Variants in ZCCHC2 observed in about 807,000 individuals in gnomAD.
ZCCHC2 encodes zinc finger CCHC-type containing 2, also known as zinc finger CCHC domain-containing protein 2.
In ZCCHC2, 39 loss-of-function variants were observed where a neutral mutation model predicts 103.6. That is an observed-to-expected ratio of 0.38 (90% CI 0.29 to 0.49). ZCCHC2 has a LOEUF of 0.49. Ranked by LOEUF, ZCCHC2 falls within the 20% of genes least tolerant of loss-of-function variation. The pLI is 0.96. For missense variants in ZCCHC2, 1,483 were observed against 1,491.0 expected (o/e 0.99, Z 0.09); for synonymous variants, 687 against 608.9 (o/e 1.13, Z -1.89).
intron 12 of ZCCHC2, 56 bp from the exon 13 acceptor site, chr18:62,574,001 C>T: frequency 6.6e-7 from 1 of 1,509,470 alleles, no homozygotes; most frequent in Non-Finnish European, 9.0e-7. Context: ...TTATTTCTAG[C>T]AAGAAAGATG....
intron 7 of ZCCHC2, 163 bp from the exon 8 acceptor site, chr18:62,560,424 T>C (rs1039669812): frequency 8.6e-6 from 4 of 465,508 alleles, no homozygotes; most frequent in African/African-American, 2.0e-5. Context: ...GAGTTTACTG[T>C]GTTTTTGAAA....
In ZCCHC2 at chr18:62,523,253, C is replaced by T; in HGVS notation, c.-172C>T. On this transcript the variant is annotated 5_prime_UTR_variant, in exon 1 of 14. Transcript: ENST00000269499. The stretch of plus-strand genomic sequence containing the variant: ...GGGAAGACGACGCCAGCGACCCCGC[C>T]GGCCGGCCACCGCCCCCCTCGCCGG... 2.1e-6 allele frequency: 1 copy of T among 476,704 alleles called. No individual in the cohort carries two copies. The highest frequency in any genetic ancestry group is 2.7e-6 in the Non-Finnish European group (1 of 365,042). The allele number at this position is 476,704 out of a possible 1,614,324, so 29.5% of individuals were successfully genotyped here.
chr18:62,571,866 T>TA (rs11462407), intron 12 of ZCCHC2, among the ~76,000 whole-genome samples: 26,830 of 152,164 alleles, frequency 0.18, 3,364 homozygotes, highest in African/African-American at 0.36. Context: ...GGAGCTATGG[T>TA]ATAGAGTGTT....
At position 62,538,647 on chromosome 18, in the gene ZCCHC2, A is replaced by G. The variant is rs561088430; in HGVS notation, c.940-1034A>G. ...AGTCTTTGTTTCCTTGGGTTTCTAA[A>G]TAAAGGAAGACAGACTAGAAGGCAG... On this transcript the variant is annotated intron_variant, in intron 1 of 13. Coordinates refer to ENST00000269499, the MANE Select transcript of ZCCHC2 (RefSeq NM_017742.6). 2.6e-5 allele frequency among the ~76,000 whole-genome samples: 4 copies of G among 152,318 alleles called. No homozygotes were observed. The East Asian group carries it at 7.7e-4, about 29-fold the overall frequency.
intron 12 of ZCCHC2, among the ~76,000 whole-genome samples, chr18:62,572,606 G>C (rs1916637424): frequency 6.6e-6 from 1 of 152,100 alleles, no homozygotes; most frequent in South Asian, 2.1e-4. Context: ...TGCTCTCCTG[G>C]GTAGTGATGG....
chr18:62,585,700 C>T (rs1206369334), exon 15 of ZCCHC2: 4 of 152,204 alleles, frequency 2.6e-5, no homozygotes, highest in Non-Finnish European at 2.9e-5. Flanking sequence ...AGTAGTTGCA[C>T]GATTAAACCT....
intron 1 of ZCCHC2, among the ~76,000 whole-genome samples, chr18:62,534,911 A>G (rs1282169878): frequency 1.3e-5 from 2 of 152,266 alleles, no homozygotes. Context: ...TGTTGGCAAC[A>G]CTATATAGTA....
chr18:62,578,934 A>G (rs1916966068), downstream of ZCCHC2, among the ~76,000 whole-genome samples: 1 of 152,044 alleles, frequency 6.6e-6, no homozygotes. Context: ...CACCCAGCTA[A>G]TTTTTGTATT....
At chr18:62,534,551 G>A (rs932611899) in intron 1 of ZCCHC2, among the ~76,000 whole-genome samples, 1 of 152,188 alleles carries the variant, frequency 6.6e-6, no homozygotes, top group East Asian at 1.9e-4. Flanking sequence ...GTAGTGCCTT[G>A]TGTGATTGGA....
intron 1 of ZCCHC2, among the ~76,000 whole-genome samples, chr18:62,528,989 A>G (rs1177408312): frequency 6.6e-6 from 1 of 151,984 alleles, no homozygotes; most frequent in Non-Finnish European, 1.5e-5. Flanking sequence ...GTGAAACCCT[A>G]TCTCTACTAA....
At chr18:62,526,627 C>T (rs1189777591) in intron 1 of ZCCHC2, among the ~76,000 whole-genome samples, 1 of 152,164 alleles carries the variant, frequency 6.6e-6, no homozygotes, top group Non-Finnish European at 1.5e-5. Flanking sequence ...CCGCCGCCGC[C>T]GCGCACCCGG....
chr18:62,584,305 C>G (rs113887471), intron 14 of ZCCHC2: 1 of 152,152 alleles, frequency 6.6e-6, no homozygotes, highest in Non-Finnish European at 1.5e-5. Flanking sequence ...CAGTCACCTC[C>G]GCCTGCAGAG....
rs760886858 is a variant in ZCCHC2 at position 62,574,692 on chromosome 18, T to C, written c.2611T>C (p.Ser871Pro). 3.1e-6 allele frequency: 5 copies of C among 1,613,784 alleles called. No homozygotes were observed. In the Admixed American group the frequency reaches 8.3e-5, roughly 27 times the overall value. ...TGCTACCACGGACCCCATCACAAAA[T>C]CTGCATCCCAAGTGGTAGGACTCAA... ...PVATTDPITKSASQVVGLNQM... is the reference protein window; with the variant it reads ...PVATTDPITKPASQVVGLNQM... Residue 871 changes from serine to proline, a missense_variant, in exon 13 of 14, where the codon TCT becomes CCT. Physicochemically the swap from Ser to Pro is moderately conservative, Grantham distance 74 (BLOSUM62 -1). Coordinates refer to ENST00000269499, the MANE Select transcript of ZCCHC2 (RefSeq NM_017742.6).
At chr18:62,529,135 G>C (rs1327941833) in intron 1 of ZCCHC2, among the ~76,000 whole-genome samples, 1 of 148,244 alleles carries the variant, frequency 6.7e-6, no homozygotes, top group South Asian at 2.2e-4. Flanking sequence ...ACTCCAGCCT[G>C]GGTGACAGAG....
chr18:62,576,476 G>A (rs898697535), intron 13 of ZCCHC2, 36 bp from the exon 14 acceptor site: 3 of 1,579,554 alleles, frequency 1.9e-6, no homozygotes, highest in Non-Finnish European at 1.7e-6. Context: ...ACGTTTGCTT[G>A]TAAGCGGTGA....
At chr18:62,535,676 G>A (rs932941376) in intron 1 of ZCCHC2, among the ~76,000 whole-genome samples, 3 of 152,186 alleles carry the variant, frequency 2.0e-5, no homozygotes, top group Non-Finnish European at 4.4e-5. Context: ...GAGGCCCAGG[G>A]CTGAGGCTTC....
chr18:62,541,195 CT>C (rs1373831896), intron 2 of ZCCHC2, among the ~76,000 whole-genome samples: 2 of 152,214 alleles, frequency 1.3e-5, no homozygotes, highest in Non-Finnish European at 2.9e-5. Flanking sequence ...GAGTTACAGG[CT>C]TTTGCCTGGC....
At chr18:62,527,568 GT>G (rs1167207141) in intron 1 of ZCCHC2, among the ~76,000 whole-genome samples, 3 of 152,162 alleles carry the variant, frequency 2.0e-5, no homozygotes, top group Non-Finnish European at 4.4e-5. Context: ...CAACTTAAAT[GT>G]CAGCAGTTTT....
At chr18:62,565,622 C>T (rs189907362) in intron 11 of ZCCHC2, among the ~76,000 whole-genome samples, 31 of 151,838 alleles carry the variant, frequency 2.0e-4, no homozygotes, top group Admixed American at 1.6e-3. Flanking sequence ...TTTTTAGGTT[C>T]AAGGTTCATT....
Sources: allele counts gnomAD v4.1 joint callset (sites outside exome capture counted in the v4.1 genomes callset), GRCh38; gene constraint gnomAD v4.1.1; transcripts MANE v1.5; gene names NCBI Gene and HGNC (gene_info 2026-07-23, HGNC 2026-07-21).